DLGAP2: variants seen among roughly 807,000 people sequenced by gnomAD.
DLGAP2 encodes the protein DLG associated protein 2.
Under a neutral mutation model 100.3 loss-of-function variants are expected in DLGAP2, and 26 were observed. The ratio of observed to expected loss-of-function variants is 0.26; its 90% CI spans 0.19 to 0.36. The LOEUF (loss-of-function observed/expected upper bound fraction) is 0.36, where lower values mean the gene tolerates loss of function less well. Among genes scored for constraint, DLGAP2 ranks in the 10% least tolerant of loss-of-function variants. The pLI, the probability that DLGAP2 is intolerant of heterozygous loss-of-function variation, is 1.00. For missense variants in DLGAP2, 1,858 were observed against 1,453.2 expected, an observed-to-expected ratio of 1.28 and a Z score of -4.53; for synonymous variants, 886 against 630.1, an observed-to-expected ratio of 1.41 and a Z score of -6.08.
intron 2 of DLGAP2, among the ~76,000 whole-genome samples, chr8:1,194,809 G>T (rs991186545): frequency 1.3e-5 from 2 of 152,176 alleles, no homozygotes; most frequent in African/African-American, 2.4e-5. Flanking sequence ...GTCCTCTCTG[G>T]CTTGAGGCCA....
intron 2 of DLGAP2, among the ~76,000 whole-genome samples, chr8:1,107,600 G>A (rs1804819391): frequency 6.6e-6 from 1 of 152,180 alleles, no homozygotes. Flanking sequence ...GCTGACTATC[G>A]AGAATCCTAG....
intron 3 of DLGAP2, among the ~76,000 whole-genome samples, chr8:1,323,507 T>G (rs1800953459): frequency 6.6e-6 from 1 of 152,218 alleles, no homozygotes; most frequent in African/African-American, 2.4e-5. Context: ...TGTACCAGGT[T>G]GCAGACGCAG....
At chr8:1,580,264 C>T (rs1271580032) in intron 6 of DLGAP2, among the ~76,000 whole-genome samples, 1 of 152,098 alleles carries the variant, frequency 6.6e-6, no homozygotes, top group Non-Finnish European at 1.5e-5. Context: ...AAATGGGAAG[C>T]AGTGGAGAGA....
In DLGAP2 at chr8:1,667,009, G is replaced by A. The variant is rs1044767009; in HGVS notation, c.1811-1320G>A. Among the ~76,000 whole-genome samples, 7 of 152,258 alleles carry A rather than the reference G, an allele frequency of 4.6e-5. No individual in the cohort carries two copies. The South Asian group carries it at 1.0e-3, about 23-fold the overall frequency. ...CGGCGCTCAGACCCCTCCAGGAGAC[G>A]CCCACGTGCGCACTCACCTACGTCA... On this transcript the variant is annotated intron_variant, in intron 8 of 14. Coordinates refer to ENST00000637795, the MANE Select transcript of DLGAP2 (RefSeq NM_001346810.2).
chr8:1,672,408 A>G (rs1357262442), intron 10 of DLGAP2, among the ~76,000 whole-genome samples: 2 of 151,906 alleles, frequency 1.3e-5, no homozygotes, highest in African/African-American at 2.4e-5. Context: ...TTGTATTTTT[A>G]GTAGAGATGG....
intron 3 of DLGAP2, among the ~76,000 whole-genome samples, chr8:1,371,216 C>T (rs766300188): frequency 2.0e-5 from 3 of 152,250 alleles, no homozygotes; most frequent in African/African-American, 4.8e-5. Context: ...ACCTGGTCAG[C>T]AGTCCTCAGA....
chr8:883,124 A>C (rs1797844773), intron 1 of DLGAP2: 1 of 152,506 alleles, frequency 6.6e-6, no homozygotes, highest in Non-Finnish European at 1.5e-5. Context: ...GCTGGAATGG[A>C]GTGGATTCTT....
At chr8:1,699,465 T>A (rs1585077013) in intron 14 of DLGAP2, among the ~76,000 whole-genome samples, 1 of 145,724 alleles carries the variant, frequency 6.9e-6, no homozygotes, top group South Asian at 2.2e-4. Context: ...AAAAAAAAAA[T>A]TAGCCAGGCG....
chr8:876,622 T>C (rs551175547), intron 1 of DLGAP2, among the ~76,000 whole-genome samples: 1 of 152,378 alleles, frequency 6.6e-6, no homozygotes, highest in Admixed American at 6.5e-5. Flanking sequence ...TAACTCTCTT[T>C]GCTTTTATCC....
intron 3 of DLGAP2, among the ~76,000 whole-genome samples, chr8:1,289,632 C>G (rs1233705134): frequency 3.3e-5 from 5 of 152,274 alleles, no homozygotes; most frequent in African/African-American, 1.2e-4. Flanking sequence ...GGCTAGCGTT[C>G]CTACATAGTC....
intron 3 of DLGAP2, among the ~76,000 whole-genome samples, chr8:1,362,575 A>G (rs895964141): frequency 2.6e-5 from 4 of 152,096 alleles, no homozygotes; most frequent in South Asian, 2.1e-4. Context: ...TCTCACGGCC[A>G]CAGTCACCAT....
At chr8:812,249 G>A (rs1426017987) in intron 1 of DLGAP2, among the ~76,000 whole-genome samples, 3 of 152,288 alleles carry the variant, frequency 2.0e-5, no homozygotes, top group Admixed American at 6.5e-5. Flanking sequence ...CCGTCTGGAG[G>A]TGAAGGCCCC....
chr8:1,409,903 G>A (rs1456364524), intron 3 of DLGAP2, among the ~76,000 whole-genome samples: 3 of 152,164 alleles, frequency 2.0e-5, no homozygotes, highest in African/African-American at 7.2e-5. Flanking sequence ...TGACCCCGTG[G>A]GTCTCCAGCT....
intron 2 of DLGAP2, among the ~76,000 whole-genome samples, chr8:981,089 C>T (rs1391930564): frequency 6.6e-6 from 1 of 152,068 alleles, no homozygotes; most frequent in Non-Finnish European, 1.5e-5. Context: ...TGTCCCCTGC[C>T]CCAGACCCTG....
chr8:1,523,416 C>T (rs914727629), intron 4 of DLGAP2, among the ~76,000 whole-genome samples: 5 of 152,246 alleles, frequency 3.3e-5, no homozygotes, highest in Non-Finnish European at 4.4e-5. Context: ...CCACTGCTGA[C>T]TTCACGCAGC....
intron 2 of DLGAP2, chr8:1,105,087 G>A (rs527662398): frequency 2.7e-4 from 41 of 152,364 alleles, no homozygotes; most frequent in African/African-American, 9.4e-4. Context: ...ATGACATGAG[G>A]ATGTGTTGAA....
intron 2 of DLGAP2, among the ~76,000 whole-genome samples, chr8:949,844 C>T (rs748352964): frequency 1.3e-5 from 2 of 152,052 alleles, no homozygotes; most frequent in Non-Finnish European, 2.9e-5. Flanking sequence ...CCACAGTGAC[C>T]CTTTGGTCTA....
At chr8:1,199,178 G>A (rs1314087647) in intron 2 of DLGAP2, among the ~76,000 whole-genome samples, 1 of 152,168 alleles carries the variant, frequency 6.6e-6, no homozygotes, top group Non-Finnish European at 1.5e-5. Flanking sequence ...AGAATTCTGG[G>A]GTATTGATGA....
intron 2 of DLGAP2, among the ~76,000 whole-genome samples, chr8:1,189,130 G>A (rs1179237470): frequency 7.9e-6 from 1 of 125,894 alleles, no homozygotes; most frequent in African/African-American, 5.0e-5. Context: ...CCCCATGGCG[G>A]TTCCGCTGTT....
Sources: allele counts gnomAD v4.1 joint callset (sites outside exome capture counted in the v4.1 genomes callset), GRCh38; gene constraint gnomAD v4.1.1; transcripts MANE v1.5; gene names NCBI Gene and HGNC (gene_info 2026-07-23, HGNC 2026-07-21).